RAD51B: variants seen among roughly 807,000 people sequenced by gnomAD.
RAD51B encodes DNA repair protein RAD51 homolog 2.
A neutral mutation model predicts 42.2 loss-of-function variants in RAD51B; 38 were observed. That is an observed-to-expected ratio of 0.90 (90% CI 0.70 to 1.18). RAD51B has a LOEUF of 1.18. Among genes scored for constraint, RAD51B ranks in the 50% most tolerant of loss-of-function variants. The pLI, the probability that RAD51B is intolerant of heterozygous loss-of-function variation, is 0.00. For missense variants in RAD51B, 373 were observed against 400.7 expected (o/e 0.93, Z 0.59); for synonymous variants, 154 against 145.2 (o/e 1.06, Z -0.43).
At chr14:68,416,634 G>A (rs1051238222) in intron 9 of RAD51B, among the ~76,000 whole-genome samples, 8 of 152,244 alleles carry the variant, frequency 5.3e-5, no homozygotes, top group South Asian at 4.2e-4. Context: ...AGTAATTGTC[G>A]GTTTAAAATG....
At chr14:68,520,367 C>T (rs1419533828) in intron 10 of RAD51B, among the ~76,000 whole-genome samples, 1 of 152,138 alleles carries the variant, frequency 6.6e-6, no homozygotes, top group African/African-American at 2.4e-5. Flanking sequence ...AGATTACTGG[C>T]TATTAGATTA....
chr14:68,333,746 AACAAATGTATTGATC>A (rs2082392990), intron 8 of RAD51B, among the ~76,000 whole-genome samples: 1 of 152,364 alleles, frequency 6.6e-6, no homozygotes, highest in East Asian at 1.9e-4. Flanking sequence ...TAGCTAATTA[AACAAATGTATTGATC>A]ACATAGTTAC....
chr14:67,985,203 A>G (rs1245561161), intron 7 of RAD51B, among the ~76,000 whole-genome samples: 1 of 152,204 alleles, frequency 6.6e-6, no homozygotes, highest in African/African-American at 2.4e-5. Flanking sequence ...ATTTTGCCAT[A>G]TCTCCTCCTT....
chr14:67,858,108 C>T (rs1313769877), intron 4 of RAD51B: 1 of 152,394 alleles, frequency 6.6e-6, no homozygotes, highest in Non-Finnish European at 1.5e-5. Flanking sequence ...ACAGTACTCT[C>T]TTAGTTCTGC....
At chr14:68,592,303 G>A (rs554291113) in intron 10 of RAD51B, among the ~76,000 whole-genome samples, 1 of 151,920 alleles carries the variant, frequency 6.6e-6, no homozygotes, top group East Asian at 1.9e-4. Flanking sequence ...GTGTATCAAA[G>A]AGAGGAGTCT....
chr14:68,498,094 C>A (rs1258749031), intron 10 of RAD51B, among the ~76,000 whole-genome samples: 1 of 152,210 alleles, frequency 6.6e-6, no homozygotes, highest in African/African-American at 2.4e-5. Context: ...CAATACTATT[C>A]TCCACATGGC....
At chr14:68,215,207 T>C (rs999871087) in intron 7 of RAD51B, among the ~76,000 whole-genome samples, 2 of 152,192 alleles carry the variant, frequency 1.3e-5, no homozygotes, top group African/African-American at 4.8e-5. Flanking sequence ...AGAAAGTGAT[T>C]TTTTAATCTC....
chr14:68,613,397 A>G (rs1274988294), downstream of RAD51B, among the ~76,000 whole-genome samples: 3 of 151,580 alleles, frequency 2.0e-5, no homozygotes, highest in South Asian at 6.3e-4. Flanking sequence ...CAGCCTGGGC[A>G]ACAATAGCAA....
At chr14:67,911,674 A>C in intron 7 of RAD51B, among the ~76,000 whole-genome samples, 1 of 152,102 alleles carries the variant, frequency 6.6e-6, no homozygotes, top group East Asian at 1.9e-4. Context: ...GAAACCTAAA[A>C]CTGTACTCTT....
At chr14:68,012,665 T>G (rs1406250327) in intron 7 of RAD51B, among the ~76,000 whole-genome samples, 1 of 152,124 alleles carries the variant, frequency 6.6e-6, no homozygotes, top group Non-Finnish European at 1.5e-5. Flanking sequence ...CTTATTTGCA[T>G]GTGGTATATA....
At chr14:68,385,096 A>G (rs1212290581) in intron 8 of RAD51B, among the ~76,000 whole-genome samples, 2 of 151,544 alleles carry the variant, frequency 1.3e-5, no homozygotes, top group Non-Finnish European at 2.9e-5. Flanking sequence ...TAGTTCGGAC[A>G]CCACATTGTG....
chr14:68,263,257 G>A (rs939622739), intron 7 of RAD51B, among the ~76,000 whole-genome samples: 2 of 152,158 alleles, frequency 1.3e-5, no homozygotes, highest in Non-Finnish European at 2.9e-5. Flanking sequence ...AAATTCTAAT[G>A]CTTAATACAA....
intron 7 of RAD51B, among the ~76,000 whole-genome samples, chr14:68,087,837 TTATATAATTATTATA>T (rs1168869337): frequency 7.3e-6 from 1 of 136,626 alleles, no homozygotes; most frequent in Non-Finnish European, 1.5e-5. Flanking sequence ...AAATATTTAA[TTATATAATTATTATA>T]TATATAATTA....
intron 4 of RAD51B, among the ~76,000 whole-genome samples, chr14:67,854,673 G>A (rs1388961323): frequency 6.8e-6 from 1 of 147,604 alleles, no homozygotes; most frequent in African/African-American, 2.5e-5. Flanking sequence ...ATCAAAAAAG[G>A]TATTTTCAGC....
intron 7 of RAD51B, among the ~76,000 whole-genome samples, chr14:68,175,578 C>G (rs550776934): frequency 2.0e-5 from 3 of 152,268 alleles, no homozygotes; most frequent in South Asian, 4.1e-4. Flanking sequence ...TAAATGAGTG[C>G]TGGGGCATGA....
intron 8 of RAD51B, among the ~76,000 whole-genome samples, chr14:68,403,450 T>C (rs1479729051): frequency 6.6e-6 from 1 of 152,196 alleles, no homozygotes; most frequent in African/African-American, 2.4e-5. Flanking sequence ...TAAATTGAAA[T>C]GTTTTCAGAG....
intron 9 of RAD51B, among the ~76,000 whole-genome samples, chr14:68,459,832 A>G (rs2085798857): frequency 6.6e-6 from 1 of 152,220 alleles, no homozygotes; most frequent in Non-Finnish European, 1.5e-5. Flanking sequence ...CTGTCCTTAC[A>G]GGAAGAAACT....
At chr14:68,648,020 T>TATATATATAC (rs1345937039) in intron 10 of RAD51B, among the ~76,000 whole-genome samples, 1 of 91,202 alleles carries the variant, frequency 1.1e-5, no homozygotes, top group Admixed American at 1.2e-4. Context: ...TATATATATA[T>TATATATATAC]ACGTATATAT....
chr14:68,638,011 T>G (rs914280224), intron 10 of RAD51B, among the ~76,000 whole-genome samples: 8 of 152,228 alleles, frequency 5.3e-5, no homozygotes, highest in African/African-American at 1.9e-4. Context: ...GAGGAGGCAG[T>G]TTCTTCAGTC....
Sources: gnomAD v4.1 joint callset for allele counts (sites outside exome capture counted in the v4.1 genomes callset) on GRCh38, gnomAD v4.1.1 for gene constraint, MANE v1.5 for transcripts, NCBI Gene and HGNC (gene_info 2026-07-23, HGNC 2026-07-21) for gene names.